The following SAMD4A variants were observed in gnomAD, a reference collection of about 807,000 sequenced individuals.
SAMD4A encodes sterile alpha motif domain containing 4A, also known as protein Smaug homolog 1.
SAMD4A carries 33 observed loss-of-function variants against 81.3 expected under a neutral mutation model. The ratio of observed to expected loss-of-function variants is 0.41; its 90% CI spans 0.31 to 0.54. The LOEUF is 0.54. SAMD4A is among the 20% of genes least tolerant of loss of function. SAMD4A has a pLI of 0.37. For synonymous variants in SAMD4A, 389 were observed against 382.1 expected (o/e 1.02, Z -0.21); for missense variants, 854 against 951.1 (o/e 0.90, Z 1.34).
Position 54,792,648 on chromosome 14 carries a change from CAAG to C in SAMD4A, c.*3710_*3712del, listed in dbSNP as rs1263445591. ...CCAAGGCGCTCAGGTGTGCCTGTTA[CAAG>C]AAGAACCTGCAGAAGGATAATTTGC... On this transcript the variant is annotated 3_prime_UTR_variant, in exon 13 of 13. Transcript: ENST00000554335. The C allele has an allele frequency of 6.6e-6, 1 of 151,878 alleles. No individual in the cohort carries two copies. Among genetic ancestry groups the C allele is most frequent in the African/African-American group, 2.4e-5 (1 of 41,322 alleles). 9.4% of individuals were successfully genotyped at this position (151,878 alleles called of 1,614,324 possible).
At chr14:54,620,232 C>T (rs2034583948) in intron 2 of SAMD4A, among the ~76,000 whole-genome samples, 1 of 152,144 alleles carries the variant, frequency 6.6e-6, no homozygotes, top group Non-Finnish European at 1.5e-5. Context: ...GAGCCAAAAC[C>T]CATCTGCAAA....
At chr14:54,673,568 G>A (rs545864053) in intron 2 of SAMD4A, among the ~76,000 whole-genome samples, 10 of 152,340 alleles carry the variant, frequency 6.6e-5, no homozygotes, top group Admixed American at 1.3e-4. Flanking sequence ...TGCTTAGAAG[G>A]AACACTCTGG....
intron 2 of SAMD4A, among the ~76,000 whole-genome samples, chr14:54,637,193 C>T (rs1240470805): frequency 6.6e-6 from 1 of 151,738 alleles, no homozygotes; most frequent in East Asian, 1.9e-4. Context: ...GATGAAACCT[C>T]GTCTCTACTA....
At chr14:54,575,822 C>T (rs1242647594) in intron 2 of SAMD4A, among the ~76,000 whole-genome samples, 1 of 152,092 alleles carries the variant, frequency 6.6e-6, no homozygotes, top group Admixed American at 6.5e-5. Flanking sequence ...ATATACTGCT[C>T]TCAGCAATAA....
intron 3 of SAMD4A, among the ~76,000 whole-genome samples, chr14:54,710,805 C>T (rs932668648): frequency 1.3e-5 from 2 of 152,196 alleles, no homozygotes; most frequent in Non-Finnish European, 2.9e-5. Flanking sequence ...CTATCCTTCC[C>T]GACTGTGAGC....
chr14:54,687,673 A>C (rs1272253135), intron 2 of SAMD4A, among the ~76,000 whole-genome samples: 2 of 152,048 alleles, frequency 1.3e-5, no homozygotes. Context: ...AAGCTTCAGC[A>C]CTGTTCACGG....
chr14:54,702,807 G>A (rs1170837961), intron 3 of SAMD4A: 7 of 524,466 alleles, frequency 1.3e-5, no homozygotes, highest in Non-Finnish European at 2.3e-5. Flanking sequence ...CCAAATTTGG[G>A]TTATAAACAG....
At chr14:54,706,647 A>G (rs1283758269) in intron 3 of SAMD4A, among the ~76,000 whole-genome samples, 1 of 141,752 alleles carries the variant, frequency 7.1e-6, no homozygotes, top group Admixed American at 7.0e-5. Context: ...CCAGGAAAGA[A>G]AAAGCAAGCT....
intron 9 of SAMD4A, among the ~76,000 whole-genome samples, chr14:54,770,431 CTT>C (rs749814364): frequency 1.3e-5 from 2 of 152,208 alleles, no homozygotes; most frequent in African/African-American, 2.4e-5. Flanking sequence ...TGAATGTGAG[CTT>C]TTGTAACACA....
intron 2 of SAMD4A, among the ~76,000 whole-genome samples, chr14:54,656,395 G>A (rs940136184): frequency 6.6e-6 from 1 of 152,098 alleles, no homozygotes; most frequent in Non-Finnish European, 1.5e-5. Flanking sequence ...ATGGTATGTG[G>A]ACCCATGTCA....
intron 2 of SAMD4A, chr14:54,692,877 C>CT (rs1555343983): frequency 0.04 from 294 of 7,360 alleles, 6 homozygotes; most frequent in African/African-American, 0.055. Context: ...TCACTTAGTG[C>CT]CCCCCCCCGC....
chr14:54,762,124 C>G (rs7149310), intron 7 of SAMD4A, among the ~76,000 whole-genome samples: 10,593 of 152,196 alleles, frequency 0.07, 1,216 homozygotes, highest in African/African-American at 0.24. Context: ...ACAGCGTGGT[C>G]CTTTGGGTAA....
chr14:54,751,330 G>C, intron 5 of SAMD4A, 121 bp from the exon 6 acceptor site: 1 of 636,144 alleles, frequency 1.6e-6, no homozygotes, highest in South Asian at 2.0e-5. Context: ...AGTGGATATT[G>C]ATCAGCCCGT....
At chr14:54,718,173 T>G (rs2037168907) in intron 3 of SAMD4A, among the ~76,000 whole-genome samples, 1 of 152,238 alleles carries the variant, frequency 6.6e-6, no homozygotes, top group African/African-American at 2.4e-5. Context: ...GTCACACTCG[T>G]GACCATCTCT....
chr14:54,776,825 G>A (rs2038863243), intron 11 of SAMD4A, among the ~76,000 whole-genome samples: 1 of 151,886 alleles, frequency 6.6e-6, no homozygotes, highest in Admixed American at 6.6e-5. Context: ...GAGGGCTTTG[G>A]TGGTGGGGAG....
rs146319257 is a variant in SAMD4A at position 54,611,398 on chromosome 14, C to T, written c.196+43286C>T. On this transcript the variant is annotated intron_variant, in intron 2 of 12. Transcript: ENST00000554335. ...GAGTGGGCAGAAATTCCTTGGGCAG[C>T]TCCAGATCCCAGCAAACCACTTAAT... Among the ~76,000 whole-genome samples, 3 of 152,312 alleles carry T rather than the reference C, an allele frequency of 2.0e-5. No homozygotes were observed. In the East Asian group the frequency reaches 5.8e-4, roughly 29 times the overall value.
At chr14:54,784,421 TG>T (rs768874716) in intron 11 of SAMD4A, 115 bp from the exon 12 acceptor site, 83 of 1,608,164 alleles carry the variant, frequency 5.2e-5, no homozygotes, top group Non-Finnish European at 6.5e-5. Flanking sequence ...ATGCCAGCGC[TG>T]ACAGTCCCCA....
intron 5 of SAMD4A, among the ~76,000 whole-genome samples, chr14:54,750,166 G>GA (rs200849195): frequency 1.4e-4 from 22 of 151,920 alleles, no homozygotes; most frequent in African/African-American, 4.1e-4. Context: ...TCGACTTGAG[G>GA]AAAAAAAACA....
chr14:54,569,111 C>T (rs888855261), intron 2 of SAMD4A, among the ~76,000 whole-genome samples: 1 of 151,912 alleles, frequency 6.6e-6, no homozygotes, highest in African/African-American at 2.4e-5. Flanking sequence ...ACAGAGTCCC[C>T]AGTGTTTATG....
Sources: allele counts gnomAD v4.1 joint callset (sites outside exome capture counted in the v4.1 genomes callset), GRCh38; gene constraint gnomAD v4.1.1; transcripts MANE v1.5; gene names NCBI Gene and HGNC (gene_info 2026-07-23, HGNC 2026-07-21).